RALGAPB: variants seen among roughly 807,000 people sequenced by gnomAD.
RALGAPB encodes the protein ral GTPase-activating protein subunit beta.
In RALGAPB, 25 loss-of-function variants were observed where a neutral mutation model predicts 161.1. The observed-to-expected ratio is 0.16, with a 90% CI of 0.11 to 0.22. The LOEUF (loss-of-function observed/expected upper bound fraction) is 0.22, where lower values mean the gene tolerates loss of function less well. Ranked by LOEUF, RALGAPB falls within the 10% of genes least tolerant of loss-of-function variation. The pLI, the probability that RALGAPB is intolerant of heterozygous loss-of-function variation, is 1.00. For synonymous variants in RALGAPB, 629 were observed against 626.1 expected, an observed-to-expected ratio of 1.00 and a Z score of -0.07; for missense variants, 1,391 against 1,815.2, an observed-to-expected ratio of 0.77 and a Z score of 4.25.
intron 9 of RALGAPB, among the ~76,000 whole-genome samples, chr20:38,518,711 A>T (rs1434624569): frequency 6.6e-6 from 1 of 152,162 alleles, no homozygotes; most frequent in African/African-American, 2.4e-5. Context: ...AATATGTCTT[A>T]GAGAGCTGAA....
Position 38,535,356 on chromosome 20 carries a change from C to T in RALGAPB, c.2379+149C>T, listed in dbSNP as rs573158271. On this transcript the variant is annotated intron_variant, in intron 16 of 29. Transcript: ENST00000262879. ...ATCCAAAGTGTACAAAATTTAGCCT[C>T]CAAGTGATATTCTATGCAATGAACT... 116 of 970,804 alleles carry T rather than the reference C, an allele frequency of 1.2e-4. No homozygotes were observed. In the East Asian group the frequency reaches 2.7e-3, roughly 23 times the overall value. 60.1% of individuals were successfully genotyped at this position (970,804 alleles called of 1,614,324 possible). A position where few individuals can be genotyped will look rare whatever the true frequency, so the allele number is the denominator to read the frequency against.
intron 13 of RALGAPB, among the ~76,000 whole-genome samples, chr20:38,527,510 T>C (rs144646765): frequency 6.7e-4 from 102 of 152,318 alleles, no homozygotes; most frequent in African/African-American, 2.4e-3. Context: ...AGTTTTTTGC[T>C]CTTTACATTC....
chr20:38,493,114 A>G lies in RALGAPB; in HGVS notation c.371A>G (p.Gln124Arg), dbSNP rs1232065659. The G allele has an allele frequency of 1.9e-6, 3 of 1,606,466 alleles. No individual in the cohort carries two copies. The highest frequency in any genetic ancestry group is 1.3e-5 in the African/African-American group (1 of 74,900). Residue 124 changes from glutamine to arginine, a missense_variant, in exon 3 of 30, where the codon CAG becomes CGG. Physicochemically the swap from Gln to Arg is conservative, Grantham distance 43 (BLOSUM62 1). Transcript: ENST00000262879. The stretch of plus-strand genomic sequence containing the variant: ...GTTCAAACTATACTAAAACACCTAC[A>G]GAATCTTTTTGTACCAAGGTAAGCT... ...QYVQTILKHL[Q>R]NLFVPRQEQG...
At chr20:38,540,900 A>T (rs984412286) in intron 17 of RALGAPB, 141 bp from the exon 18 acceptor site, 2 of 773,392 alleles carry the variant, frequency 2.6e-6, no homozygotes, top group Non-Finnish European at 4.0e-6. Flanking sequence ...CTATGAAGTT[A>T]ATATATATCC....
intron 17 of RALGAPB, 137 bp downstream of exon 17, chr20:38,540,095 A>G: frequency 1.4e-6 from 1 of 717,360 alleles, no homozygotes. Flanking sequence ...TTACAGTGGA[A>G]CACTTGTCCT....
chr20:38,506,664 C>A (rs1379827252), intron 5 of RALGAPB, among the ~76,000 whole-genome samples: 1 of 152,146 alleles, frequency 6.6e-6, no homozygotes, highest in Non-Finnish European at 1.5e-5. Flanking sequence ...GAGTGTTTCA[C>A]ATTTTGGATT....
chr20:38,492,890 A>G (rs997783843), intron 2 of RALGAPB, 40 bp from the exon 3 acceptor site: 14 of 1,492,128 alleles, frequency 9.4e-6, no homozygotes, highest in Non-Finnish European at 1.2e-5. Flanking sequence ...CTGAGATAGG[A>G]ACGTGTAATA....
chr20:38,559,113 T>C (rs1329608462), intron 23 of RALGAPB, among the ~76,000 whole-genome samples: 1 of 152,230 alleles, frequency 6.6e-6, no homozygotes, highest in Non-Finnish European at 1.5e-5. Context: ...ATAGGAGCTG[T>C]AGGATATCTT....
At position 38,562,657 on chromosome 20, in the gene RALGAPB, G is replaced by T; in HGVS notation, c.3657G>T (p.Trp1219Cys). 3.7e-6 allele frequency: 6 copies of T among 1,613,650 alleles called. No homozygotes were observed. Among genetic ancestry groups the T allele is most frequent in the Non-Finnish European group, 5.1e-6 (6 of 1,179,808 alleles). The change falls in exon 24 of 30, where the codon TGG (tryptophan) becomes TGT (cysteine). Residue 1219 changes from tryptophan (W) to cysteine (C), a missense_variant. Physicochemically the swap from Trp to Cys is radical, Grantham distance 215. Around this residue, in one of 3 missense-constraint regions of RALGAPB, gnomAD observed 436 missense variants for 527.0 expected, o/e 0.83. Coordinates refer to ENST00000262879, the MANE Select transcript of RALGAPB (RefSeq NM_020336.4). ...PGWTGHVSTS[W>C]SINCCDDGEG... is the part of the protein sequence containing the mutation. The stretch of plus-strand genomic sequence containing the variant: ...GGACTGGGCATGTTTCTACCAGTTG[G>T]TCTATTAATTGTTGTGATGATGGTG...
At chr20:38,496,982 T>A (rs985989426) in intron 3 of RALGAPB, among the ~76,000 whole-genome samples, 1 of 152,202 alleles carries the variant, frequency 6.6e-6, no homozygotes, top group African/African-American at 2.4e-5. Context: ...TCTGCTTCAA[T>A]GTGAGCAGCA....
At chr20:38,479,921 A>G (rs1164223379) in intron 1 of RALGAPB, among the ~76,000 whole-genome samples, 1 of 151,640 alleles carries the variant, frequency 6.6e-6, no homozygotes, top group African/African-American at 2.4e-5. Flanking sequence ...ACTTCCATCA[A>G]ATTGCTTTAA....
chr20:38,516,998 T>G (rs2086146389), intron 7 of RALGAPB, among the ~76,000 whole-genome samples: 1 of 152,222 alleles, frequency 6.6e-6, no homozygotes, highest in Non-Finnish European at 1.5e-5. Context: ...AAAATCCTAT[T>G]GTAAACAAGA....
chr20:38,545,650 C>T (rs1440750341), intron 18 of RALGAPB, among the ~76,000 whole-genome samples: 1 of 152,198 alleles, frequency 6.6e-6, no homozygotes, highest in African/African-American at 2.4e-5. Flanking sequence ...TCTTCCATTT[C>T]CTCTCCTCCT....
chr20:38,554,917 T>C (rs958722334), intron 22 of RALGAPB, among the ~76,000 whole-genome samples: 1 of 152,126 alleles, frequency 6.6e-6, no homozygotes, highest in Non-Finnish European at 1.5e-5. Context: ...CCCATCTCTA[T>C]GAAAAATTGT....
rs1171235280 is a variant in RALGAPB at position 38,508,994 on chromosome 20, AT to A, written c.741-79del. 36 of 1,464,434 alleles carry A rather than the reference AT, an allele frequency of 2.5e-5. No individual in the cohort carries two copies. In the East Asian group the frequency reaches 8.0e-4, roughly 32 times the overall value. 90.7% of individuals were successfully genotyped at this position (1,464,434 alleles called of 1,614,324 possible). A position where few individuals can be genotyped will look rare whatever the true frequency, so the allele number is the denominator to read the frequency against. ...TATGTGAGGTACACATGTTTCATCC[AT>A]TTTCTCTGTCTTCTTTCTATGCTTG... On this transcript the variant is annotated intron_variant, in intron 5 of 29. Coordinates refer to ENST00000262879, the MANE Select transcript of RALGAPB (RefSeq NM_020336.4).
At chr20:38,488,965 T>A (rs1285575977) in intron 2 of RALGAPB, among the ~76,000 whole-genome samples, 1 of 152,222 alleles carries the variant, frequency 6.6e-6, no homozygotes, top group African/African-American at 2.4e-5. Context: ...GTCTTCTGAT[T>A]TCCATTTAGA....
Position 38,578,215 on chromosome 20 carries a change from C to T in RALGAPB, c.*3248C>T, listed in dbSNP as rs1354783658. The stretch of plus-strand genomic sequence containing the variant: ...TGAAATGACATTGGAGTCAGATGGT[C>T]TGTTTTAAAGATTTCCATGACAGCC... On this transcript the variant is annotated 3_prime_UTR_variant, in exon 30 of 30. Transcript: ENST00000262879. The T allele has an allele frequency of 6.6e-6, 1 of 152,140 alleles. No homozygotes were observed. Among genetic ancestry groups the T allele is most frequent in the Non-Finnish European group, 1.5e-5 (1 of 68,030 alleles). 9.4% of individuals were successfully genotyped at this position (152,140 alleles called of 1,614,324 possible).
intron 10 of RALGAPB, among the ~76,000 whole-genome samples, chr20:38,523,247 G>A (rs1010611990): frequency 3.9e-5 from 6 of 152,190 alleles, no homozygotes; most frequent in African/African-American, 9.6e-5. Flanking sequence ...AGACTCCTGG[G>A]AAGGAGGATC....
chr20:38,511,997 C>G (rs866762115), intron 6 of RALGAPB, among the ~76,000 whole-genome samples: 7 of 152,192 alleles, frequency 4.6e-5, no homozygotes, highest in African/African-American at 1.7e-4. Context: ...GCGAGTCTGC[C>G]TTTCTAAGAG....
Sources: allele counts gnomAD v4.1 joint callset (sites outside exome capture counted in the v4.1 genomes callset), GRCh38; gene constraint gnomAD v4.1.1; regional missense constraint gnomAD v4.1.1; transcripts MANE v1.5; gene names NCBI Gene and HGNC (gene_info 2026-07-23, HGNC 2026-07-21).